Variants in WDR36 observed in about 807,000 individuals in gnomAD.
WDR36 encodes the protein WD repeat domain 36.
Under a neutral mutation model 112.7 loss-of-function variants are expected in WDR36, and 63 were observed. The observed-to-expected ratio is 0.56, with a 90% CI of 0.46 to 0.69. The LOEUF is 0.69. Ranked by LOEUF, WDR36 falls within the 30% of genes least tolerant of loss-of-function variation. The probability of loss-of-function intolerance (pLI) is 0.00; values close to 1 mark genes in which losing one functional copy is unlikely to be tolerated. For synonymous variants in WDR36, 410 were observed against 362.2 expected (o/e 1.13, Z -1.50); for missense variants, 1,226 against 1,070.3 (o/e 1.15, Z -2.03).
Position 111,113,108 on chromosome 5 carries a change from C to T in WDR36, c.1751C>T (p.Ala584Val), listed in dbSNP as rs1164660478. 1.3e-6 allele frequency: 2 copies of T among 1,568,070 alleles called. No individual in the cohort carries two copies. The highest frequency in any genetic ancestry group is 4.7e-5 in the East Asian group (2 of 42,928). ...FSPDGRWLIS[A>V]AMDCSIRTWD... is the part of the protein sequence containing the mutation. The stretch of plus-strand genomic sequence containing the variant: ...CCTGATGGTCGTTGGTTAATAAGTG[C>T]TGCGATGGATTGCTCTATTAGGACT... The change falls in exon 16 of 23, where the codon GCT (alanine) becomes GTT (valine). Residue 584 changes from alanine to valine, a missense_variant. Transcript: ENST00000513710.
intron 1 of WDR36, among the ~76,000 whole-genome samples, chr5:111,093,536 GTC>G (rs1273948935): frequency 6.6e-6 from 1 of 152,216 alleles, no homozygotes; most frequent in Non-Finnish European, 1.5e-5. Context: ...GTTTCTCAGA[GTC>G]TGAGCTGGTA....
chr5:111,100,398 ATTACAT>A (rs1316425261), intron 4 of WDR36, among the ~76,000 whole-genome samples, 185 bp from the exon 5 acceptor site: 2 of 151,948 alleles, frequency 1.3e-5, no homozygotes, highest in African/African-American at 2.4e-5. Context: ...TCTAAATTAA[ATTACAT>A]TTACAAGTTG....
intron 17 of WDR36, among the ~76,000 whole-genome samples, chr5:111,120,142 A>G (rs1753536032): frequency 6.6e-6 from 1 of 151,892 alleles, no homozygotes; most frequent in Non-Finnish European, 1.5e-5. Context: ...GCATATTCGC[A>G]CTCTGACTTA....
In WDR36 at chr5:111,095,762, C is replaced by T. The variant is rs781032522; in HGVS notation, c.190+815C>T. On this transcript the variant is annotated intron_variant, in intron 2 of 22. Transcript: ENST00000513710. ...ACATTTCAGATAAAGCATAGTCAGC[C>T]TATAGTGATTTTCTTTTGCCATCAT... Among the ~76,000 whole-genome samples the T allele has an allele frequency of 8.5e-5, 13 of 152,278 alleles. No individual in the cohort carries two copies. The South Asian group carries it at 1.9e-3, about 22-fold the overall frequency.
intron 16 of WDR36, among the ~76,000 whole-genome samples, chr5:111,113,499 T>C (rs1561707242): frequency 2.0e-5 from 3 of 152,164 alleles, no homozygotes; most frequent in Admixed American, 6.6e-5. Context: ...TGAGTTTTTT[T>C]AGTTCATGCT....
chr5:111,108,675 A>G (rs1179606525), intron 12 of WDR36, among the ~76,000 whole-genome samples: 2 of 151,272 alleles, frequency 1.3e-5, no homozygotes, highest in Non-Finnish European at 3.0e-5. Flanking sequence ...ATTATTTCAT[A>G]TTTTCCTTAC....
In WDR36 at chr5:111,113,131, A is replaced by G. The variant is rs1373295347; in HGVS notation, c.1774A>G (p.Thr592Ala). The G allele has an allele frequency of 6.3e-7, 1 of 1,588,348 alleles. No individual in the cohort carries two copies. The highest frequency in any genetic ancestry group is 1.4e-5 in the African/African-American group (1 of 72,756). Residue 592 changes from threonine to alanine, a missense_variant, in exon 16 of 23, where the codon ACT (threonine) becomes GCT (alanine). Transcript: ENST00000513710. ...ISAAMDCSIRTWDLPSGCLID... is the reference protein window; with the variant it reads ...ISAAMDCSIRAWDLPSGCLID... ...TGCTGCGATGGATTGCTCTATTAGG[A>G]CTTGGGACCTTCCTTCTGGGTGGTA...
intron 6 of WDR36, among the ~76,000 whole-genome samples, chr5:111,102,958 A>G (rs964085832): frequency 7.9e-5 from 12 of 151,576 alleles, no homozygotes; most frequent in Non-Finnish European, 1.6e-4. Context: ...TTCAGTATCC[A>G]TTGTCTATAC....
chr5:111,111,309 C>T, intron 15 of WDR36, 31 bp downstream of exon 15: 2 of 1,556,778 alleles, frequency 1.3e-6, no homozygotes, highest in Non-Finnish European at 1.8e-6. Flanking sequence ...TAAAACTTGA[C>T]TCATTTCTAC....
rs548305280 is a variant in WDR36 at position 111,124,093 on chromosome 5, T to G, written c.2269-15T>G. 1.9e-6 allele frequency: 3 copies of G among 1,611,800 alleles called. No homozygotes were observed. The South Asian group carries it at 3.3e-5, about 18-fold the overall frequency. On this transcript the variant is annotated splice_polypyrimidine_tract_variant and intron_variant, in intron 20 of 22. Coordinates refer to ENST00000513710, the MANE Select transcript of WDR36 (RefSeq NM_139281.3). ...CTTGAATTATTTGAATAATGTGTAT[T>G]TGTTTTTGTTTAAGTCTAAAGTGGT... is the stretch of plus-strand genomic sequence containing the variant.
At chr5:111,113,439 A>T (rs1753389394) in intron 16 of WDR36, among the ~76,000 whole-genome samples, 1 of 104,886 alleles carries the variant, frequency 9.5e-6, no homozygotes, top group Admixed American at 9.6e-5. Context: ...AGCTCATTTG[A>T]CCTTTTTGAT....
rs1409722826 is a variant in WDR36, at chr5:111,125,617, C to T, written c.2360C>T (p.Ala787Val). ...TTAAAATTTAATGCAGATGACACTGCTCTCAACCTTCTGAAAGAATCAGGC... is the reference window on the plus strand; with the variant it reads ...TTAAAATTTAATGCAGATGACACTGTTCTCAACCTTCTGAAAGAATCAGGC... ...EGLVNNKYDT[A>V]LNLLKESGPS... Residue 787 changes from alanine to valine, a missense_variant, in exon 22 of 23, where the codon GCT (alanine) becomes GTT (valine). By Grantham distance (64) the Ala-to-Val change is moderately conservative. Coordinates refer to ENST00000513710, the MANE Select transcript of WDR36 (RefSeq NM_139281.3). 3.1e-6 allele frequency: 5 copies of T among 1,613,262 alleles called. No individual in the cohort carries two copies. In the Admixed American group the frequency reaches 8.3e-5, roughly 27 times the overall value.
In WDR36 at chr5:111,092,532, G is replaced by C; in HGVS notation, c.76G>C (p.Asp26His). ...CCGGGCCTTGGGACTTTTCAGCAAC[G>C]ACATTCCACACGTGGTGCGGTTCAG... ...GFRALGLFSN[D>H]IPHVVRFSAL... Residue 26 changes from aspartate to histidine, a missense_variant, in exon 1 of 23, where the codon GAC becomes CAC. Transcript: ENST00000513710. The C allele has an allele frequency of 6.2e-7, 1 of 1,614,220 alleles. No individual in the cohort carries two copies. Among genetic ancestry groups the C allele is most frequent in the African/African-American group, 1.3e-5 (1 of 75,076 alleles).
chr5:111,120,240 AATT>A (rs1753538111), intron 17 of WDR36, among the ~76,000 whole-genome samples: 2 of 152,154 alleles, frequency 1.3e-5, no homozygotes, highest in Non-Finnish European at 2.9e-5. Context: ...TACCTTATAA[AATT>A]ATTATCTACT....
rs748143362 is a variant in WDR36 at position 111,092,500 on chromosome 5, C to T, written c.44C>T (p.Ala15Val). The part of the protein sequence containing the change: ...SERRTASALF[A>V]GFRALGLFSN... ...AGGCGCACGGCCAGCGCGCTTTTTG[C>T]GGGGTTCCGGGCCTTGGGACTTTTC... The change falls in exon 1 of 23, where the codon GCG becomes GTG. Residue 15 changes from alanine to valine, a missense_variant. Transcript: ENST00000513710. The T allele has an allele frequency of 7.4e-6, 12 of 1,614,074 alleles. No homozygotes were observed. Among genetic ancestry groups the T allele is most frequent in the South Asian group, 6.6e-5 (6 of 91,086 alleles).
intron 18 of WDR36, 110 bp downstream of exon 18, chr5:111,120,703 A>G: frequency 1.1e-6 from 1 of 933,494 alleles, no homozygotes; most frequent in Admixed American, 1.8e-5. Context: ...GTGTTTTTTA[A>G]CTGATATAAA....
intron 12 of WDR36, 72 bp from the exon 13 acceptor site, chr5:111,110,117 A>G (rs948670367): frequency 8.8e-6 from 9 of 1,027,840 alleles, no homozygotes; most frequent in Non-Finnish European, 1.4e-5. Context: ...TAGATAAAAA[A>G]ATGCTTTGGA....
chr5:111,113,970 A>G (rs1371522964), intron 16 of WDR36, among the ~76,000 whole-genome samples: 1 of 152,120 alleles, frequency 6.6e-6, no homozygotes, highest in Non-Finnish European at 1.5e-5. Context: ...CACATTGGGG[A>G]TTAAGTTTAA....
Position 111,121,096 on chromosome 5 carries a change from T to C in WDR36, c.2103T>C (p.Leu701=), listed in dbSNP as rs1314676812. 1 of 1,613,668 alleles carries C rather than the reference T, an allele frequency of 6.2e-7. No homozygotes were observed. Among genetic ancestry groups the C allele is most frequent in the Admixed American group, 1.7e-5 (1 of 60,014 alleles). Residue 701 remains leucine (L), a synonymous_variant, in exon 19 of 23, where the codon CTT becomes CTC. Coordinates refer to ENST00000513710, the MANE Select transcript of WDR36 (RefSeq NM_139281.3). Reference sequence around the variant, plus strand: ...AGCAATTGGTGACTCTTTCACTTCTTCCTGAATCACGATGGAAAAACCTTC... The same window carrying C: ...AGCAATTGGTGACTCTTTCACTTCTCCCTGAATCACGATGGAAAAACCTTC... ...LNEQLVTLSL[L]PESRWKNLLN...
Sources: allele counts gnomAD v4.1 joint callset (sites outside exome capture counted in the v4.1 genomes callset), GRCh38; gene constraint gnomAD v4.1.1; transcripts MANE v1.5; gene names NCBI Gene and HGNC (gene_info 2026-07-23, HGNC 2026-07-21).